Variants in ANKRD12 observed in about 807,000 individuals in gnomAD.
ANKRD12 encodes ankyrin repeat domain 12, also known as ankyrin repeat domain-containing protein 12.
A neutral mutation model predicts 183.4 loss-of-function variants in ANKRD12; 85 were observed. The observed-to-expected ratio is 0.46, with a 90% CI of 0.39 to 0.56. The LOEUF is 0.56. ANKRD12 is among the 20% of genes least tolerant of loss of function. The probability of loss-of-function intolerance (pLI) is 0.00; values close to 1 mark genes in which losing one functional copy is unlikely to be tolerated. For synonymous variants in ANKRD12, 914 were observed against 800.2 expected, an observed-to-expected ratio of 1.14 and a Z score of -2.40; for missense variants, 2,405 against 2,357.1, an observed-to-expected ratio of 1.02 and a Z score of -0.42.
intron 9 of ANKRD12, among the ~76,000 whole-genome samples, chr18:9,261,589 C>T (rs986155871): frequency 2.4e-4 from 36 of 152,148 alleles, no homozygotes; most frequent in African/African-American, 7.5e-4. Context: ...ATCTCTTCTG[C>T]GGTCTTAAGT....
At chr18:9,216,647 TGC>T in intron 6 of ANKRD12, 109 bp from the exon 7 acceptor site, 1 of 1,058,406 alleles carries the variant, frequency 9.4e-7, no homozygotes, top group Non-Finnish European at 1.4e-6. Context: ...CCTTTTTTTT[TGC>T]ACGATGTGCA....
intron 1 of ANKRD12, among the ~76,000 whole-genome samples, chr18:9,153,182 A>C (rs1443225253): frequency 6.6e-6 from 1 of 152,206 alleles, no homozygotes; most frequent in Non-Finnish European, 1.5e-5. Context: ...GCAGATTTTC[A>C]AACAGGGTAT....
chr18:9,267,464 AACTC>A (rs1272376409), intron 10 of ANKRD12, among the ~76,000 whole-genome samples: 1 of 152,200 alleles, frequency 6.6e-6, no homozygotes, highest in Non-Finnish European at 1.5e-5. Flanking sequence ...AGGATTAAGA[AACTC>A]ACTCAAAACC....
intron 6 of ANKRD12, among the ~76,000 whole-genome samples, chr18:9,214,713 A>G (rs915104583): frequency 6.6e-6 from 1 of 152,180 alleles, no homozygotes; most frequent in Non-Finnish European, 1.5e-5. Context: ...TGAGGTCTGC[A>G]GCTGTGGTTA....
chr18:9,206,001 C>T (rs1047877312), intron 4 of ANKRD12, among the ~76,000 whole-genome samples: 8 of 152,022 alleles, frequency 5.3e-5, no homozygotes, highest in Non-Finnish European at 8.8e-5. Flanking sequence ...TTTATTCTGG[C>T]AAGACCTAAA....
chr18:9,223,209 C>T (rs941859177), intron 8 of ANKRD12, among the ~76,000 whole-genome samples: 12 of 151,208 alleles, frequency 7.9e-5, no homozygotes, highest in Non-Finnish European at 1.8e-4. Flanking sequence ...CACTTGAGGC[C>T]GAGAGTTCAA....
chr18:9,181,968 G>T (rs185836426), intron 1 of ANKRD12, among the ~76,000 whole-genome samples: 2 of 152,246 alleles, frequency 1.3e-5, no homozygotes, highest in Admixed American at 6.6e-5. Context: ...TTTAATGTAG[G>T]GAATTAGGTG....
chr18:9,189,585 A>G (rs1458808759), intron 2 of ANKRD12, among the ~76,000 whole-genome samples: 2 of 152,234 alleles, frequency 1.3e-5, no homozygotes, highest in Non-Finnish European at 2.9e-5. Flanking sequence ...TGTTAGGGAC[A>G]AATGCAGCTG....
chr18:9,247,114 G>A (rs1326864701), intron 8 of ANKRD12, among the ~76,000 whole-genome samples: 2 of 152,044 alleles, frequency 1.3e-5, no homozygotes, highest in Non-Finnish European at 2.9e-5. Flanking sequence ...TTTCTGTTGG[G>A]CAAAAAGGAT....
Position 9,255,836 on chromosome 18 carries a change from A to G in ANKRD12, c.2569A>G (p.Lys857Glu). 1.9e-6 allele frequency: 3 copies of G among 1,578,772 alleles called. No individual in the cohort carries two copies. Among genetic ancestry groups the G allele is most frequent in the East Asian group, 2.3e-5 (1 of 44,288 alleles). The change falls in exon 9 of 13, where the codon AAA (lysine) becomes GAA (glutamate). Residue 857 changes from lysine (K) to glutamate (E), a missense_variant. By Grantham distance (56) the Lys-to-Glu change is moderately conservative. This residue lies in a region of ANKRD12 where 1,983 missense variants were observed against 1,725.9 expected (regional missense o/e 1.15). Transcript: ENST00000262126. ...ACATGAGCATAAGTCAGAAAAAGAC[A>G]AATTAGATCTTAGTGAATGTGTTGA... ...IKHEHKSEKD[K>E]LDLSECVDKI...
At chr18:9,237,954 T>C (rs147490977) in intron 8 of ANKRD12, among the ~76,000 whole-genome samples, 2 of 152,302 alleles carry the variant, frequency 1.3e-5, no homozygotes, top group East Asian at 3.9e-4. Flanking sequence ...CCTTCACAAC[T>C]AAGCTTCTTA....
In ANKRD12 at chr18:9,160,915, G is replaced by T. The variant is rs146728496; in HGVS notation, c.-51-21467G>T. On this transcript the variant is annotated intron_variant, in intron 1 of 12. Transcript: ENST00000262126. ...TAAACTGTCAGCCTGTTGCATTTGTGTTTAGATTTCAGGTAAATTTAATCT... is the reference window on the plus strand; with the variant it reads ...TAAACTGTCAGCCTGTTGCATTTGTTTTTAGATTTCAGGTAAATTTAATCT... Among the ~76,000 whole-genome samples the T allele has an allele frequency of 2.9e-3, 442 of 152,292 alleles. 1 individual carries two copies. Among genetic ancestry groups the T allele is most frequent in the African/African-American group, 9.3e-3 (387 of 41,572 alleles).
chr18:9,213,493 TTAGTAA>T (rs1370552429), intron 6 of ANKRD12, among the ~76,000 whole-genome samples: 1 of 151,980 alleles, frequency 6.6e-6, no homozygotes, highest in African/African-American at 2.4e-5. Flanking sequence ...ATCTGTATCC[TTAGTAA>T]TAGGAACTCG....
rs959816693 is a variant in ANKRD12, at chr18:9,224,329, G to A, written c.943+2330G>A. ...GAAAGGAGAAAGATTGGAAGACAGA[G>A]AGAGGGGTAGGTGCAGGCACACTCA... On this transcript the variant is annotated intron_variant, in intron 8 of 12. Coordinates refer to ENST00000262126, the MANE Select transcript of ANKRD12 (RefSeq NM_015208.5). Among the ~76,000 whole-genome samples, 6 of 152,296 alleles carry A rather than the reference G, an allele frequency of 3.9e-5. No individual in the cohort carries two copies. In the South Asian group the frequency reaches 1.2e-3, roughly 32 times the overall value.
Position 9,186,901 on chromosome 18 carries a change from G to A in ANKRD12, c.87+4382G>A, listed in dbSNP as rs542207144. Among the ~76,000 whole-genome samples the A allele has an allele frequency of 9.9e-5, 15 of 151,880 alleles. No individual in the cohort carries two copies. In the South Asian group the frequency reaches 1.7e-3, roughly 17 times the overall value. On this transcript the variant is annotated intron_variant, in intron 2 of 12. Transcript: ENST00000262126. ...CGAGTAGCTGGGACTACAGGTGCCC[G>A]CCACCGCACCTGGCTAATTTTTTGT...
At chr18:9,172,479 G>T (rs2032835547) in intron 1 of ANKRD12, among the ~76,000 whole-genome samples, 1 of 152,002 alleles carries the variant, frequency 6.6e-6, no homozygotes, top group Non-Finnish European at 1.5e-5. Context: ...CAGTTTTCAA[G>T]CCCTGAGATT....
At chr18:9,157,856 A>G (rs1367532433) in intron 1 of ANKRD12, among the ~76,000 whole-genome samples, 1 of 152,132 alleles carries the variant, frequency 6.6e-6, no homozygotes, top group African/African-American at 2.4e-5. Context: ...AAAATTCTGA[A>G]AAACAAAAAT....
intron 5 of ANKRD12, 115 bp downstream of exon 5, chr18:9,208,918 T>A: frequency 9.5e-7 from 1 of 1,048,086 alleles, no homozygotes; most frequent in Non-Finnish European, 1.3e-6. Context: ...TTGGATTTAA[T>A]CAGAATTACT....
Position 9,223,171 on chromosome 18 carries a change from C to T in ANKRD12, c.943+1172C>T, listed in dbSNP as rs563244024. On this transcript the variant is annotated intron_variant, in intron 8 of 12. Coordinates refer to ENST00000262126, the MANE Select transcript of ANKRD12 (RefSeq NM_015208.5). ...TGGTGGCTCACACCTGTAATCCCAG[C>T]GCTTTGGGAGGCCAATGTGGGCCAG... 1.6e-3 allele frequency among the ~76,000 whole-genome samples: 248 copies of T among 152,008 alleles called. 2 individuals carry two copies. Among genetic ancestry groups the T allele is most frequent in the Non-Finnish European group, 5.7e-4 (39 of 68,004 alleles).
Sources: gnomAD v4.1 joint callset for allele counts (sites outside exome capture counted in the v4.1 genomes callset) on GRCh38, gnomAD v4.1.1 for gene constraint, gnomAD v4.1.1 regional missense constraint, MANE v1.5 for transcripts, NCBI Gene and HGNC (gene_info 2026-07-23, HGNC 2026-07-21) for gene names.